The following SGIP1 variants were observed in gnomAD, a reference collection of about 807,000 sequenced individuals.
SGIP1 encodes the protein SH3-containing GRB2-like protein 3-interacting protein 1.
SGIP1 carries 38 observed loss-of-function variants against 107.5 expected under a neutral mutation model. The observed-to-expected ratio is 0.35, with a 90% confidence interval of 0.27 to 0.46. The LOEUF (loss-of-function observed/expected upper bound fraction) is 0.46, where lower values mean the gene tolerates loss of function less well. Among genes scored for constraint, SGIP1 ranks in the 20% least tolerant of loss-of-function variants. The probability of loss-of-function intolerance (pLI) is 1.00; values close to 1 mark genes in which losing one functional copy is unlikely to be tolerated. For synonymous variants in SGIP1, 365 were observed against 366.1 expected (o/e 1.00, Z 0.03); for missense variants, 929 against 1,019.5 (o/e 0.91, Z 1.21).
chr1:66,611,681 T>A (rs1305225866), intron 1 of SGIP1, among the ~76,000 whole-genome samples: 1 of 152,204 alleles, frequency 6.6e-6, no homozygotes, highest in African/African-American at 2.4e-5. Context: ...GAAGTCTATG[T>A]GAACAGATCG....
chr1:66,559,421 A>G (rs941322473), intron 1 of SGIP1, among the ~76,000 whole-genome samples: 1 of 152,106 alleles, frequency 6.6e-6, no homozygotes, highest in African/African-American at 2.4e-5. Flanking sequence ...CACCTACATA[A>G]GCACATGCAT....
chr1:66,565,983 T>C (rs918598356), intron 1 of SGIP1, among the ~76,000 whole-genome samples: 3 of 151,424 alleles, frequency 2.0e-5, no homozygotes, highest in Non-Finnish European at 4.4e-5. Flanking sequence ...GCCCATGTAA[T>C]AGTAAATTTT....
intron 12 of SGIP1, among the ~76,000 whole-genome samples, chr1:66,675,826 G>T (rs2149903555): frequency 6.6e-6 from 1 of 152,060 alleles, no homozygotes; most frequent in Admixed American, 6.5e-5. Context: ...GAGCCACCAT[G>T]CCTGGCCTAG....
chr1:66,535,579 G>C (rs1188976376), intron 1 of SGIP1, among the ~76,000 whole-genome samples: 3 of 152,214 alleles, frequency 2.0e-5, no homozygotes, highest in East Asian at 3.8e-4. Context: ...ATTTGGGGGA[G>C]TGAAGAATTC....
intron 1 of SGIP1, among the ~76,000 whole-genome samples, chr1:66,591,367 C>T (rs1239990125): frequency 1.3e-5 from 2 of 152,204 alleles, no homozygotes; most frequent in Non-Finnish European, 1.5e-5. Context: ...AGGTGATGAA[C>T]ACAGATTCTT....
In SGIP1 at chr1:66,690,917, T is replaced by C. The variant is rs189587105; in HGVS notation, c.1570+601T>C. Among the ~76,000 whole-genome samples, 209 of 152,342 alleles carry C rather than the reference T, an allele frequency of 1.4e-3. 1 individual carries two copies. The highest frequency in any genetic ancestry group is 4.2e-3 in the African/African-American group (175 of 41,580). ...AAATGCCTTTATGCCTCTTTCCTTATGCTGTGACGAAAGTAAAGAGTTGAG... is the reference window on the plus strand; with the variant it reads ...AAATGCCTTTATGCCTCTTTCCTTACGCTGTGACGAAAGTAAAGAGTTGAG... On this transcript the variant is annotated intron_variant, in intron 17 of 24. Coordinates refer to ENST00000371037, the MANE Select transcript of SGIP1 (RefSeq NM_032291.4).
Position 66,695,881 on chromosome 1 carries a change from G to C in SGIP1, c.1630+388G>C, listed in dbSNP as rs982431757. Among the ~76,000 whole-genome samples the C allele has an allele frequency of 3.3e-5, 5 of 152,182 alleles. No individual in the cohort carries two copies. The South Asian group carries it at 1.0e-3, about 32-fold the overall frequency. ...TATAAGGACATTTTTGGTTGGTATTGGTATTTAACTTGTTTTGGGTAATTA... is the reference window on the plus strand; with the variant it reads ...TATAAGGACATTTTTGGTTGGTATTCGTATTTAACTTGTTTTGGGTAATTA... On this transcript the variant is annotated intron_variant, in intron 18 of 24. Coordinates refer to ENST00000371037, the MANE Select transcript of SGIP1 (RefSeq NM_032291.4).
chr1:66,675,117 G>A lies in SGIP1; in HGVS notation c.646+1751G>A, dbSNP rs146619411. On this transcript the variant is annotated intron_variant, in intron 12 of 24. Transcript: ENST00000371037. ...GACATATCGTATGGTGACTGGAGACGGGATTTGATTTGTTGCACCTACATC... is the reference window on the plus strand; with the variant it reads ...GACATATCGTATGGTGACTGGAGACAGGATTTGATTTGTTGCACCTACATC... Among the ~76,000 whole-genome samples, 282 of 152,202 alleles carry A rather than the reference G, an allele frequency of 1.9e-3. 2 individuals carry two copies. Among genetic ancestry groups the A allele is most frequent in the African/African-American group, 6.6e-3 (273 of 41,522 alleles).
At chr1:66,712,754 A>C (rs1333637656) in intron 18 of SGIP1, among the ~76,000 whole-genome samples, 2 of 152,100 alleles carry the variant, frequency 1.3e-5, no homozygotes, top group African/African-American at 4.8e-5. Flanking sequence ...TTCTGTTAAG[A>C]ATTTAAATTA....
intron 5 of SGIP1, among the ~76,000 whole-genome samples, chr1:66,640,422 G>C (rs2076559644): frequency 6.6e-6 from 1 of 152,164 alleles, no homozygotes; most frequent in Non-Finnish European, 1.5e-5. Flanking sequence ...ACCTGATTTT[G>C]GCAGGAAAGG....
chr1:66,596,307 G>A (rs951742381), intron 1 of SGIP1, among the ~76,000 whole-genome samples: 2 of 151,392 alleles, frequency 1.3e-5, no homozygotes, highest in Non-Finnish European at 2.9e-5. Flanking sequence ...ACAGCTCTCA[G>A]CAGAGAGGGG....
chr1:66,688,243 A>G (rs1461423990), intron 15 of SGIP1, among the ~76,000 whole-genome samples: 3 of 152,200 alleles, frequency 2.0e-5, no homozygotes, highest in Non-Finnish European at 4.4e-5. Context: ...AACTTTTCTG[A>G]ACAAGAACGG....
chr1:66,677,650 G>C (rs769476625), intron 13 of SGIP1, among the ~76,000 whole-genome samples: 2 of 152,180 alleles, frequency 1.3e-5, no homozygotes, highest in African/African-American at 2.4e-5. Context: ...TGACCCAGGC[G>C]TCTGGGAAAG....
chr1:66,730,017 GT>G (rs1444898443), intron 20 of SGIP1, among the ~76,000 whole-genome samples: 2 of 152,070 alleles, frequency 1.3e-5, no homozygotes, highest in African/African-American at 2.4e-5. Flanking sequence ...GGCCAGGCTG[GT>G]CTCAAACTAC....
chr1:66,654,648 A>G (rs2079388976), intron 7 of SGIP1, among the ~76,000 whole-genome samples: 1 of 152,226 alleles, frequency 6.6e-6, no homozygotes, highest in Non-Finnish European at 1.5e-5. Context: ...AAAAAATCTT[A>G]CAGTGTGAAT....
chr1:66,631,318 ACTT>A (rs977554192), intron 2 of SGIP1, among the ~76,000 whole-genome samples: 9 of 152,134 alleles, frequency 5.9e-5, no homozygotes, highest in Non-Finnish European at 4.4e-5. Flanking sequence ...CATTACAAGC[ACTT>A]TTGTTGGCCA....
chr1:66,551,450 T>C (rs1023212748), intron 1 of SGIP1, among the ~76,000 whole-genome samples: 2 of 152,216 alleles, frequency 1.3e-5, no homozygotes, highest in Non-Finnish European at 2.9e-5. Context: ...TTCTGTTTAA[T>C]ATGAAAAATA....
chr1:66,582,588 T>C (rs1165387125), intron 1 of SGIP1, among the ~76,000 whole-genome samples: 1 of 151,972 alleles, frequency 6.6e-6, no homozygotes, highest in African/African-American at 2.4e-5. Context: ...GTTAACAGTT[T>C]CCAGTCAAAG....
At chr1:66,696,928 G>T (rs1223519059) in intron 18 of SGIP1, among the ~76,000 whole-genome samples, 1 of 152,176 alleles carries the variant, frequency 6.6e-6, no homozygotes, top group Non-Finnish European at 1.5e-5. Flanking sequence ...GCATAAGTTG[G>T]TAATCCTGAA....
Sources: allele counts gnomAD v4.1 joint callset (sites outside exome capture counted in the v4.1 genomes callset), GRCh38; gene constraint gnomAD v4.1.1; transcripts MANE v1.5; gene names NCBI Gene and HGNC (gene_info 2026-07-23, HGNC 2026-07-21).